FMN1: variants seen among roughly 807,000 people sequenced by gnomAD.
FMN1 encodes formin-1.
A neutral mutation model predicts 132.4 loss-of-function variants in FMN1; 110 were observed. That is an observed-to-expected ratio of 0.83 (90% CI 0.71 to 0.97). FMN1 has a LOEUF of 0.97. Ranked by LOEUF, FMN1 falls within the 50% of genes least tolerant of loss-of-function variation. The pLI is 0.00. For missense variants in FMN1, 1,792 were observed against 1,705.3 expected, an observed-to-expected ratio of 1.05 and a Z score of -0.90; for synonymous variants, 722 against 651.7, an observed-to-expected ratio of 1.11 and a Z score of -1.64.
intron 11 of FMN1, among the ~76,000 whole-genome samples, chr15:32,910,011 G>C (rs1390817303): frequency 6.6e-6 from 1 of 152,106 alleles, no homozygotes; most frequent in Non-Finnish European, 1.5e-5. Flanking sequence ...TCAAACCTAA[G>C]ACTGTCTCAT....
intron 5 of FMN1, among the ~76,000 whole-genome samples, chr15:33,069,993 C>CTCTTTTTTTTTTTTTTTT (rs398026774): frequency 2.7e-5 from 2 of 74,292 alleles, no homozygotes; most frequent in Non-Finnish European, 4.9e-5. Context: ...CAGTCTTTCT[C>CTCTTTTTTTTTTTTTTTT]TTTTTTTTTT....
intron 3 of FMN1, among the ~76,000 whole-genome samples, chr15:33,179,278 A>G (rs536347990): frequency 2.2e-4 from 34 of 152,314 alleles, no homozygotes; most frequent in African/African-American, 8.2e-4. Context: ...TAAAGAAAAA[A>G]TTTTTTAATG....
intron 14 of FMN1, among the ~76,000 whole-genome samples, chr15:32,899,342 C>CG (rs946986868): frequency 6.6e-5 from 10 of 152,248 alleles, no homozygotes; most frequent in African/African-American, 2.2e-4. Context: ...TTTATGACCC[C>CG]GGGAGGCCAG....
chr15:32,901,746 C>T (rs371267593), intron 13 of FMN1, among the ~76,000 whole-genome samples, 165 bp downstream of exon 13: 15 of 152,134 alleles, frequency 9.9e-5, no homozygotes, highest in African/African-American at 3.1e-4. Flanking sequence ...CTCTCCCTCT[C>T]TCTCATACAC....
chr15:33,163,480 GA>G (rs1489927272), intron 3 of FMN1, among the ~76,000 whole-genome samples: 2 of 151,352 alleles, frequency 1.3e-5, no homozygotes, highest in Non-Finnish European at 2.9e-5. Flanking sequence ...TTTTAGTAGA[GA>G]GGGGGTTTCT....
At position 33,150,172 on chromosome 15, in the gene FMN1, T is replaced by C. The variant is rs76686562; in HGVS notation, c.1867+2876A>G. 1.7e-3 allele frequency: 1,686 copies of C among 985,430 alleles called. 18 individuals carry two copies. The African/African-American group carries it at 0.023, about 14-fold the overall frequency. The allele number at this position is 985,430 out of a possible 1,614,324, so 61.0% of individuals were successfully genotyped here. A position where few individuals can be genotyped will look rare whatever the true frequency, so the allele number is the denominator to read the frequency against. The stretch of plus-strand genomic sequence containing the variant: ...AAGCTCCCTGTGATTCTTCTGGCAC[T>C]AAAAGGGTTTACTTTGAATCAAAGG... On this transcript the variant is annotated intron_variant, in intron 4 of 20. Coordinates refer to ENST00000616417, the MANE Select transcript of FMN1 (RefSeq NM_001277313.2).
chr15:32,960,382 C>T (rs1034628708), intron 9 of FMN1, among the ~76,000 whole-genome samples: 1 of 152,114 alleles, frequency 6.6e-6, no homozygotes, highest in Non-Finnish European at 1.5e-5. Flanking sequence ...CACGTGGGTA[C>T]AATTTGACAT....
At chr15:33,097,456 A>G (rs534627042) in intron 4 of FMN1, among the ~76,000 whole-genome samples, 21 of 152,330 alleles carry the variant, frequency 1.4e-4, no homozygotes, top group Non-Finnish European at 2.9e-4. Context: ...AAATACAAAG[A>G]AAACTACAAT....
chr15:33,067,406 C>G, intron 5 of FMN1: 1 of 1,613,976 alleles, frequency 6.2e-7, no homozygotes, highest in Non-Finnish European at 8.5e-7. Context: ...GGTGCTGCTT[C>G]CCTCCTCTGG....
chr15:32,883,656 A>C (rs1482971771), intron 16 of FMN1, among the ~76,000 whole-genome samples: 1 of 151,434 alleles, frequency 6.6e-6, no homozygotes, highest in Non-Finnish European at 1.5e-5. Context: ...CAGTAATATC[A>C]TTTCACCAAC....
At chr15:33,122,282 G>A (rs955652961) in intron 4 of FMN1, among the ~76,000 whole-genome samples, 3 of 152,086 alleles carry the variant, frequency 2.0e-5, no homozygotes, top group Non-Finnish European at 4.4e-5. Flanking sequence ...TTTCTACTCC[G>A]TAAAACGTTG....
chr15:33,067,549 T>G (rs201951063), intron 5 of FMN1: 1 of 1,614,022 alleles, frequency 6.2e-7, no homozygotes, highest in Admixed American at 1.7e-5. Flanking sequence ...GAGATGTCCC[T>G]GCTTCTTTTC....
intron 2 of FMN1, among the ~76,000 whole-genome samples, chr15:33,183,168 T>C (rs1475493954): frequency 6.6e-6 from 1 of 152,234 alleles, no homozygotes; most frequent in African/African-American, 2.4e-5. Flanking sequence ...GAGAATGACT[T>C]ACAATCAAAC....
rs2291065 is a variant in FMN1, at chr15:33,088,799, A to T, written c.2043T>A (p.His681Gln). Residue 681 changes from histidine to glutamine, a missense_variant and splice_region_variant, in exon 5 of 21, where the codon CAT becomes CAA. By Grantham distance (24) the His-to-Gln change is conservative (BLOSUM62 0). Transcript: ENST00000616417. ...SNRSELYLDL[H>Q]PDHSLTEQDD... ...CACAATCACCAAGATTTCTACTTAC[A>T]TGGAGATCCAAGTACAATTCGCTCC... 519,844 of 1,531,758 alleles carry T rather than the reference A, an allele frequency of 0.34. 91,911 individuals carry two copies. Among genetic ancestry groups the T allele is most frequent in the Admixed American group, 0.4 (20,345 of 50,622 alleles). 94.9% of individuals were successfully genotyped at this position (1,531,758 alleles called of 1,614,324 possible).
intron 4 of FMN1, among the ~76,000 whole-genome samples, chr15:33,126,767 T>C (rs1045361638): frequency 5.3e-5 from 8 of 151,794 alleles, no homozygotes; most frequent in African/African-American, 1.9e-4. Context: ...GAAGACAGAT[T>C]ACTGGAACAG....
At chr15:33,173,197 G>C (rs1291204509) in intron 3 of FMN1, among the ~76,000 whole-genome samples, 1 of 152,142 alleles carries the variant, frequency 6.6e-6, no homozygotes, top group African/African-American at 2.4e-5. Flanking sequence ...CAGGGAGACA[G>C]TTTTGAGATT....
chr15:33,142,820 T>A (rs1190754419), intron 4 of FMN1, among the ~76,000 whole-genome samples: 3 of 152,212 alleles, frequency 2.0e-5, no homozygotes, highest in Non-Finnish European at 4.4e-5. Flanking sequence ...CTACAAGAGT[T>A]ACAGGTCCCT....
At chr15:32,824,247 A>G (rs1294299432) in intron 17 of FMN1, among the ~76,000 whole-genome samples, 2 of 152,236 alleles carry the variant, frequency 1.3e-5, no homozygotes, top group African/African-American at 4.8e-5. Flanking sequence ...TCATACCATG[A>G]AAGCCAAGTC....
chr15:33,029,946 A>G (rs529815946), intron 6 of FMN1, among the ~76,000 whole-genome samples: 1 of 152,328 alleles, frequency 6.6e-6, no homozygotes, highest in South Asian at 2.1e-4. Context: ...TCATGAGGTC[A>G]AGAGATCAAG....
Sources: allele counts gnomAD v4.1 joint callset (sites outside exome capture counted in the v4.1 genomes callset), GRCh38; gene constraint gnomAD v4.1.1; transcripts MANE v1.5; gene names NCBI Gene and HGNC (gene_info 2026-07-23, HGNC 2026-07-21).